The following PAPPA2 variants were observed in gnomAD, a reference collection of about 807,000 sequenced individuals.
The protein encoded by PAPPA2 is pappalysin 2, also known as pappalysin-2.
PAPPA2 carries 86 observed loss-of-function variants against 176.4 expected under a neutral mutation model. The observed-to-expected ratio is 0.49, with a 90% CI of 0.41 to 0.58. The LOEUF is 0.58. Ranked by LOEUF, PAPPA2 falls within the 20% of genes least tolerant of loss-of-function variation. The pLI is 0.00. For missense variants in PAPPA2, 2,073 were observed against 2,256.9 expected, an observed-to-expected ratio of 0.92 and a Z score of 1.65; for synonymous variants, 809 against 852.2, an observed-to-expected ratio of 0.95 and a Z score of 0.88.
intron 1 of PAPPA2, among the ~76,000 whole-genome samples, chr1:176,551,567 C>T (rs1000579935): frequency 4.6e-5 from 7 of 152,152 alleles, no homozygotes; most frequent in African/African-American, 1.2e-4. Context: ...TGGATGCCAG[C>T]GTGGACTGGC....
chr1:176,595,986 C>T (rs758684262), intron 3 of PAPPA2, among the ~76,000 whole-genome samples: 34 of 152,326 alleles, frequency 2.2e-4, no homozygotes, highest in South Asian at 1.4e-3. Flanking sequence ...ACTAATTACA[C>T]GTGACAATAC....
At chr1:176,585,009 A>T (rs1653223215) in intron 2 of PAPPA2, among the ~76,000 whole-genome samples, 1 of 152,202 alleles carries the variant, frequency 6.6e-6, no homozygotes, top group South Asian at 2.1e-4. Flanking sequence ...AAGTGCTGGG[A>T]TTACAGGCGT....
chr1:176,479,654 C>T (rs539702450), intron 1 of PAPPA2, among the ~76,000 whole-genome samples: 18 of 152,164 alleles, frequency 1.2e-4, no homozygotes, highest in Non-Finnish European at 2.5e-4. Context: ...GGAGGGTCCT[C>T]TCATGGTCTG....
Position 176,500,481 on chromosome 1 carries a change from A to G in PAPPA2, c.-917+37063A>G, listed in dbSNP as rs1055500450. On this transcript the variant is annotated intron_variant, in intron 1 of 22. Coordinates refer to ENST00000367662, the MANE Select transcript of PAPPA2 (RefSeq NM_020318.3). ...CCTCTAAATATGTGTACATATTTAT[A>G]TATATACATTTATATATAATTTATT... Among the ~76,000 whole-genome samples the G allele has an allele frequency of 2.0e-5, 3 of 148,438 alleles. No individual in the cohort carries two copies. The East Asian group carries it at 5.8e-4, about 29-fold the overall frequency.
In PAPPA2 at chr1:176,690,470, A is replaced by T. The variant is rs375185243; in HGVS notation, c.2431+40A>T. On this transcript the variant is annotated intron_variant, in intron 5 of 22. Transcript: ENST00000367662. Reference sequence around the variant, plus strand: ...TTGTTTTGTTTTCTGTTAAGAATACATGGGGGCCTTTGAGAGCTGGGAGGG... The same window carrying T: ...TTGTTTTGTTTTCTGTTAAGAATACTTGGGGGCCTTTGAGAGCTGGGAGGG... 2.5e-6 allele frequency: 4 copies of T among 1,592,902 alleles called. No individual in the cohort carries two copies. The African/African-American group carries it at 5.4e-5, about 21-fold the overall frequency.
chr1:176,668,617 A>G (rs994396541), intron 3 of PAPPA2, among the ~76,000 whole-genome samples: 27 of 152,196 alleles, frequency 1.8e-4, no homozygotes, highest in Non-Finnish European at 4.4e-5. Context: ...CCTGTGTTGC[A>G]ATAGACAGAG....
Position 176,699,420 on chromosome 1 carries a change from T to C in PAPPA2, c.3067T>C (p.Tyr1023His), listed in dbSNP as rs1286725153. The part of the protein sequence containing the change: ...VDGKVSGVKV[Y>H]TFDERIEIDA... ...TGGGAAGGTGTCGGGGGTGAAAGTC[T>C]ACACCTTTGATGAGAGGATAGAGAT... is the stretch of plus-strand genomic sequence containing the variant. The change falls in exon 8 of 23, where the codon TAC (tyrosine) becomes CAC (histidine). Residue 1023 changes from tyrosine to histidine, a missense_variant. Coordinates refer to ENST00000367662, the MANE Select transcript of PAPPA2 (RefSeq NM_020318.3). 4 of 1,614,050 alleles carry C rather than the reference T, an allele frequency of 2.5e-6. No homozygotes were observed. The highest frequency in any genetic ancestry group is 3.4e-6 in the Non-Finnish European group (4 of 1,180,030).
chr1:176,662,195 C>T (rs1658394569), intron 3 of PAPPA2, among the ~76,000 whole-genome samples: 1 of 152,044 alleles, frequency 6.6e-6, no homozygotes, highest in Non-Finnish European at 1.5e-5. Flanking sequence ...CTATGTGATC[C>T]GGGGGAAGAC....
intron 3 of PAPPA2, among the ~76,000 whole-genome samples, chr1:176,644,519 C>A (rs1438346593): frequency 6.6e-6 from 1 of 151,666 alleles, no homozygotes; most frequent in Non-Finnish European, 1.5e-5. Flanking sequence ...GTACATATGA[C>A]AATGGAATTT....
At chr1:176,688,501 C>T (rs898845454) in intron 4 of PAPPA2, among the ~76,000 whole-genome samples, 1 of 152,142 alleles carries the variant, frequency 6.6e-6, no homozygotes, top group African/African-American at 2.4e-5. Flanking sequence ...GTTATGTTGA[C>T]ATCATGATGC....
rs377582355 is a variant in PAPPA2, at chr1:176,556,712, A to G, written c.390A>G (p.Val130=). ...TTGAAGAGCCGGCTGCCCCATGGGT[A>G]GGGGATAGTCCTATTGGGCAATCTG... ...GAVEEPAAPW[V]GDSPIGQSEL... is the part of the protein sequence containing the mutation. The change falls in exon 2 of 23, where the codon GTA becomes GTG. Residue 130 remains valine (V), a synonymous_variant. Transcript: ENST00000367662. 3.6e-4 allele frequency: 589 copies of G among 1,613,980 alleles called. No homozygotes were observed. The highest frequency in any genetic ancestry group is 3.3e-4 in the Non-Finnish European group (393 of 1,179,954).
chr1:176,702,884 G>A (rs1213238376), intron 9 of PAPPA2, 149 bp downstream of exon 9: 7 of 1,124,846 alleles, frequency 6.2e-6, no homozygotes, highest in South Asian at 1.6e-5. Context: ...AGGGAGCAAG[G>A]CACCATTTGA....
At chr1:176,836,084 A>T (rs1667261905) in intron 21 of PAPPA2, among the ~76,000 whole-genome samples, 1 of 152,170 alleles carries the variant, frequency 6.6e-6, no homozygotes, top group African/African-American at 2.4e-5. Flanking sequence ...TAGTGCACAG[A>T]TTTGTGTAGA....
chr1:176,753,883 T>C (rs746867834), intron 14 of PAPPA2, among the ~76,000 whole-genome samples: 1 of 152,084 alleles, frequency 6.6e-6, no homozygotes, highest in Non-Finnish European at 1.5e-5. Context: ...CCCATAATGA[T>C]TTGTCCATAA....
chr1:176,687,630 T>C (rs1233417146), intron 4 of PAPPA2, among the ~76,000 whole-genome samples: 4 of 152,202 alleles, frequency 2.6e-5, no homozygotes, highest in Admixed American at 1.3e-4. Flanking sequence ...TTTCTTTATC[T>C]ATAATTGAAG....
Position 176,819,011 on chromosome 1 carries a change from A to G in PAPPA2, c.5202+18879A>G, listed in dbSNP as rs889012345. Among the ~76,000 whole-genome samples, 33 of 152,174 alleles carry G rather than the reference A, an allele frequency of 2.2e-4. 1 individual carries two copies. Among genetic ancestry groups the G allele is most frequent in the Non-Finnish European group, 1.0e-4 (7 of 68,040 alleles). ...GTTATGCTTGATGTCTGTTTTCCCC[A>G]TTGGAATATAAGTTCCACGGGGCAT... On this transcript the variant is annotated intron_variant, in intron 21 of 22. Coordinates refer to ENST00000367662, the MANE Select transcript of PAPPA2 (RefSeq NM_020318.3).
intron 14 of PAPPA2, among the ~76,000 whole-genome samples, chr1:176,757,521 C>T (rs1259369803): frequency 6.6e-6 from 1 of 152,076 alleles, no homozygotes; most frequent in Middle Eastern, 3.2e-3. Context: ...AGAGGTGTCT[C>T]TTCATATCCT....
intron 2 of PAPPA2, among the ~76,000 whole-genome samples, chr1:176,568,023 A>G (rs1476024782): frequency 2.0e-5 from 3 of 152,176 alleles, no homozygotes; most frequent in Non-Finnish European, 4.4e-5. Context: ...CATTAAGTAG[A>G]GATATGAATG....
At chr1:176,508,153 A>C (rs1185685539) in intron 1 of PAPPA2, among the ~76,000 whole-genome samples, 2 of 152,182 alleles carry the variant, frequency 1.3e-5, no homozygotes, top group Non-Finnish European at 2.9e-5. Context: ...ATTGTTTACC[A>C]GAACAAAGTG....
Sources: gnomAD v4.1 joint callset for allele counts (sites outside exome capture counted in the v4.1 genomes callset) on GRCh38, gnomAD v4.1.1 for gene constraint, MANE v1.5 for transcripts, NCBI Gene and HGNC (gene_info 2026-07-23, HGNC 2026-07-21) for gene names.